SIMC1: variants seen among roughly 807,000 people sequenced by gnomAD.
SIMC1 encodes the protein SUMO interacting motifs containing 1, also known as SUMO-interacting motif-containing protein 1.
Under a neutral mutation model 82.3 loss-of-function variants are expected in SIMC1, and 55 were observed. The observed-to-expected ratio is 0.67, with a 90% CI of 0.54 to 0.84. SIMC1 has a LOEUF of 0.84. SIMC1 is among the 40% of genes least tolerant of loss of function. The probability of loss-of-function intolerance (pLI) is 0.00; values close to 1 mark genes in which losing one functional copy is unlikely to be tolerated. For synonymous variants in SIMC1, 353 were observed against 426.3 expected (o/e 0.83, Z 2.12); for missense variants, 915 against 1,107.2 (o/e 0.83, Z 2.46).
intron 7 of SIMC1, among the ~76,000 whole-genome samples, chr5:176,332,990 A>G (rs1053519877): frequency 1.3e-4 from 20 of 151,852 alleles, no homozygotes; most frequent in Non-Finnish European, 2.9e-5. Flanking sequence ...CATTTTTTAT[A>G]TTTGTGTCAT....
intron 1 of SIMC1, among the ~76,000 whole-genome samples, chr5:176,242,145 G>A (rs988169052): frequency 5.9e-5 from 9 of 152,124 alleles, no homozygotes; most frequent in African/African-American, 2.2e-4. Flanking sequence ...GGCGTTTTAA[G>A]TGGATCCTCA....
intron 2 of SIMC1, 191 bp from the exon 3 acceptor site, chr5:176,294,839 C>A (rs1251971627): frequency 3.0e-6 from 2 of 664,952 alleles, no homozygotes; most frequent in African/African-American, 3.7e-5. Flanking sequence ...GTGGTGGGCG[C>A]CTGTAGTCCC....
At chr5:176,300,876 C>T (rs561761218) in intron 4 of SIMC1, among the ~76,000 whole-genome samples, 16 of 152,004 alleles carry the variant, frequency 1.1e-4, no homozygotes, top group Non-Finnish European at 2.2e-4. Flanking sequence ...TCCTAGAAAC[C>T]TACCAAGATT....
chr5:176,252,913 A>G (rs1023618068), intron 1 of SIMC1, among the ~76,000 whole-genome samples: 1 of 152,244 alleles, frequency 6.6e-6, no homozygotes, highest in Non-Finnish European at 1.5e-5. Flanking sequence ...TGAGGCTGGC[A>G]GATCACTCGC....
chr5:176,242,052 T>C (rs1175354410), intron 1 of SIMC1, among the ~76,000 whole-genome samples: 1 of 152,076 alleles, frequency 6.6e-6, no homozygotes, highest in African/African-American at 2.4e-5. Context: ...CAAGTATATG[T>C]GGAAAAAAAC....
At position 176,337,252 on chromosome 5, in the gene SIMC1, T is replaced by G. The variant is rs572276635; in HGVS notation, c.2413+106T>G. On this transcript the variant is annotated intron_variant, in intron 9 of 9. Coordinates refer to ENST00000429602, the MANE Select transcript of SIMC1 (RefSeq NM_001308195.2). ...TGATTTGTTGACATTGTTCCTTGGT[T>G]GTATGTAACTTATTATAAGGGATAA... 33 of 952,108 alleles carry G rather than the reference T, an allele frequency of 3.5e-5. No homozygotes were observed. In the African/African-American group the frequency reaches 4.9e-4, roughly 14 times the overall value. 59.0% of individuals were successfully genotyped at this position (952,108 alleles called of 1,614,324 possible).
chr5:176,285,782 C>A (rs923671122), intron 1 of SIMC1, among the ~76,000 whole-genome samples: 2 of 152,230 alleles, frequency 1.3e-5, no homozygotes, highest in Non-Finnish European at 2.9e-5. Flanking sequence ...TAAGCAACTT[C>A]AGCAAAGTCT....
intron 7 of SIMC1, among the ~76,000 whole-genome samples, chr5:176,329,800 G>GT (rs1765559871): frequency 6.6e-6 from 1 of 152,142 alleles, no homozygotes; most frequent in South Asian, 2.1e-4. Context: ...TGAGTGCCAA[G>GT]TTTCTCACTG....
chr5:176,283,962 C>G (rs982556169), intron 1 of SIMC1, among the ~76,000 whole-genome samples: 10 of 152,196 alleles, frequency 6.6e-5, no homozygotes, highest in African/African-American at 2.2e-4. Context: ...ATTAATTCAA[C>G]AAGAAGACCT....
chr5:176,309,830 A>C (rs1004032623), intron 4 of SIMC1, among the ~76,000 whole-genome samples: 1 of 152,122 alleles, frequency 6.6e-6, no homozygotes, highest in Admixed American at 6.6e-5. Context: ...AGTCCCAGCT[A>C]CTAGGGAGGC....
At chr5:176,337,439 C>T (rs1220745292) in intron 9 of SIMC1, among the ~76,000 whole-genome samples, 2 of 152,044 alleles carry the variant, frequency 1.3e-5, no homozygotes, top group Non-Finnish European at 2.9e-5. Flanking sequence ...ACTAAAAATA[C>T]AAAAATTAGC....
intron 1 of SIMC1, among the ~76,000 whole-genome samples, chr5:176,275,257 T>C (rs1389013169): frequency 6.6e-6 from 1 of 151,818 alleles, no homozygotes; most frequent in Non-Finnish European, 1.5e-5. Flanking sequence ...GGGAGTTCAC[T>C]CATGATTTGG....
chr5:176,308,299 C>G, intron 4 of SIMC1: 2 of 1,464,718 alleles, frequency 1.4e-6, no homozygotes, highest in Non-Finnish European at 1.9e-6. Flanking sequence ...CTGTCATCAT[C>G]TTAACGACGT....
intron 7 of SIMC1, among the ~76,000 whole-genome samples, chr5:176,327,284 G>A (rs1318767376): frequency 3.3e-4 from 50 of 152,094 alleles, no homozygotes; most frequent in Non-Finnish European, 4.4e-5. Context: ...ACTTTACTTG[G>A]CCTTTACCTT....
rs536537961 is a variant in SIMC1 at position 176,295,056 on chromosome 5, C to T, written c.1458C>T (p.Ile486=). The change falls in exon 3 of 10, where the codon ATC becomes ATT. Residue 486 remains isoleucine, a synonymous_variant. Transcript: ENST00000429602. ...RENKGQKLEP[I]PHRRLRMVTN... ...ACAAGGGTCAAAAATTAGAACCCAT[C>T]CCTCATCGAAGACTAAGAATGGTAA... The T allele has an allele frequency of 1.8e-5, 29 of 1,613,120 alleles. No homozygotes were observed. Among genetic ancestry groups the T allele is most frequent in the Admixed American group, 3.3e-5 (2 of 59,960 alleles).
chr5:176,336,558 T>A (rs1765903660), intron 7 of SIMC1, among the ~76,000 whole-genome samples, 162 bp from the exon 8 acceptor site: 1 of 152,202 alleles, frequency 6.6e-6, no homozygotes, highest in Non-Finnish European at 1.5e-5. Flanking sequence ...AACAAACCCA[T>A]TTCTACCCTG....
intron 1 of SIMC1, among the ~76,000 whole-genome samples, chr5:176,255,233 G>C (rs752570578): frequency 6.6e-6 from 1 of 151,230 alleles, no homozygotes; most frequent in Non-Finnish European, 1.5e-5. Context: ...AACAGAGCAA[G>C]ACTCCACCTC....
chr5:176,298,095 C>T (rs918821355), intron 4 of SIMC1, among the ~76,000 whole-genome samples: 25 of 152,296 alleles, frequency 1.6e-4, no homozygotes, highest in Middle Eastern at 6.8e-3. Flanking sequence ...TGTGAGAACT[C>T]TAGAGCCGAA....
chr5:176,292,941 A>T (rs1196752500), intron 2 of SIMC1, among the ~76,000 whole-genome samples: 1 of 152,166 alleles, frequency 6.6e-6, no homozygotes, highest in African/African-American at 2.4e-5. Context: ...GATTTTTAAC[A>T]TATACACATT....
Sources: gnomAD v4.1 joint callset for allele counts (sites outside exome capture counted in the v4.1 genomes callset) on GRCh38, gnomAD v4.1.1 for gene constraint, MANE v1.5 for transcripts, NCBI Gene and HGNC (gene_info 2026-07-23, HGNC 2026-07-21) for gene names.